Variants in C5orf22 observed in about 807,000 individuals in gnomAD.
The protein encoded by C5orf22 is UPF0489 protein C5orf22.
Under a neutral mutation model 48.7 loss-of-function variants are expected in C5orf22, and 36 were observed. That is an observed-to-expected ratio of 0.74 (90% confidence interval 0.57 to 0.98). The LOEUF (loss-of-function observed/expected upper bound fraction) is 0.98. Among genes scored for constraint, C5orf22 ranks in the 50% least tolerant of loss-of-function variants. The pLI is 0.00. For synonymous variants in C5orf22, 141 were observed against 180.8 expected (o/e 0.78, Z 1.76); for missense variants, 486 against 521.9 (o/e 0.93, Z 0.67).
chr5:31,541,355 T>G lies in C5orf22; in HGVS notation c.945T>G (p.Cys315Trp). Residue 315 changes from cysteine to tryptophan, a missense_variant, in exon 6 of 9, where the codon TGT becomes TGG. By Grantham distance (215) the Cys-to-Trp change is radical. Transcript: ENST00000325366. ...EDLEATFADLCDGDDEETVQR... is the reference protein window; with the variant it reads ...EDLEATFADLWDGDDEETVQR... ...TAGAAGCCACTTTCGCTGATTTGTG[T>G]GATGGTGATGATGAAGAAACGGTAC... The G allele has an allele frequency of 6.2e-7, 1 of 1,614,050 alleles. No individual in the cohort carries two copies. Among genetic ancestry groups the G allele is most frequent in the Admixed American group, 1.7e-5 (1 of 60,022 alleles).
At chr5:31,542,565 G>A (rs187317795) in intron 6 of C5orf22, among the ~76,000 whole-genome samples, 10 of 152,084 alleles carry the variant, frequency 6.6e-5, no homozygotes, top group Admixed American at 5.9e-4. Context: ...AGTATTTGAA[G>A]GCTAGATTCT....
At chr5:31,538,052 A>G (rs1742205165) in intron 3 of C5orf22, 1 of 487,668 alleles carries the variant, frequency 2.1e-6, no homozygotes, top group Non-Finnish European at 3.7e-6. Flanking sequence ...TGCAAGGCAG[A>G]CTGAAATGTA....
At position 31,541,344 on chromosome 5, in the gene C5orf22, G is replaced by T. The variant is rs368521237; in HGVS notation, c.934G>T (p.Ala312Ser). ...ATTAGAGGATTTAGAAGCCACTTTC[G>T]CTGATTTGTGTGATGGTGATGATGA... ...HQLEDLEATFADLCDGDDEET... is the reference protein window; with the variant it reads ...HQLEDLEATFSDLCDGDDEET... Residue 312 changes from alanine to serine, a missense_variant, in exon 6 of 9, where the codon GCT (alanine) becomes TCT (serine). By Grantham distance (99) the Ala-to-Ser change is moderately conservative (BLOSUM62 1). Transcript: ENST00000325366. 3 of 1,613,766 alleles carry T rather than the reference G, an allele frequency of 1.9e-6. No homozygotes were observed. The South Asian group carries it at 3.3e-5, about 18-fold the overall frequency.
At chr5:31,545,301 G>A (rs779211495) in intron 6 of C5orf22, among the ~76,000 whole-genome samples, 19 of 152,052 alleles carry the variant, frequency 1.2e-4, no homozygotes, top group South Asian at 4.2e-4. Flanking sequence ...CAAGTGATCC[G>A]CCCGCCTCGG....
chr5:31,540,609 A>G (rs1554053284), intron 4 of C5orf22, among the ~76,000 whole-genome samples: 1 of 152,224 alleles, frequency 6.6e-6, no homozygotes, highest in Non-Finnish European at 1.5e-5. Context: ...TGGCATTTAT[A>G]TAGCAGAATA....
rs1743482356 is a variant in C5orf22, at chr5:31,554,565, C to T, written c.*1663C>T. 6.6e-6 allele frequency: 1 copy of T among 152,108 alleles called. No homozygotes were observed. The highest frequency in any genetic ancestry group is 6.6e-5 in the Admixed American group (1 of 15,266). The allele number at this position is 152,108 out of a possible 1,614,324, so 9.4% of individuals were successfully genotyped here. A position where few individuals can be genotyped will look rare whatever the true frequency, so the allele number is the denominator to read the frequency against. ...GTAAAATCAGAATTGTAGAATTGTG[C>T]TATTTTTAATTTTTAAAATTTTTGG... On this transcript the variant is annotated 3_prime_UTR_variant, in exon 9 of 9. Transcript: ENST00000325366.
chr5:31,540,807 C>A, intron 4 of C5orf22, 142 bp from the exon 5 acceptor site: 1 of 620,666 alleles, frequency 1.6e-6, no homozygotes. Flanking sequence ...TACATTTTGC[C>A]TGATTCTCCC....
chr5:31,551,925 G>A (rs747305618), intron 8 of C5orf22, among the ~76,000 whole-genome samples: 2 of 152,156 alleles, frequency 1.3e-5, no homozygotes, highest in African/African-American at 2.4e-5. Context: ...TCACTAGAGC[G>A]TAAAATGAGT....
chr5:31,542,884 G>C (rs1742559953), intron 6 of C5orf22, among the ~76,000 whole-genome samples: 1 of 152,178 alleles, frequency 6.6e-6, no homozygotes, highest in Admixed American at 6.5e-5. Flanking sequence ...AAAATCAGTT[G>C]TAAGGTAGCA....
At chr5:31,543,514 G>A (rs981461137) in intron 6 of C5orf22, among the ~76,000 whole-genome samples, 2 of 152,114 alleles carry the variant, frequency 1.3e-5, no homozygotes, top group Non-Finnish European at 2.9e-5. Flanking sequence ...AGGCTGCAGT[G>A]AGCTGAGATC....
chr5:31,547,220 G>A (rs1379385389), intron 7 of C5orf22, among the ~76,000 whole-genome samples: 6 of 152,264 alleles, frequency 3.9e-5, no homozygotes, highest in Admixed American at 1.3e-4. Context: ...TCCAGGTCAC[G>A]CTGATGCAAG....
At chr5:31,534,245 C>T in intron 1 of C5orf22, 27 bp from the exon 2 acceptor site, 1 of 1,595,318 alleles carries the variant, frequency 6.3e-7, no homozygotes, top group East Asian at 2.2e-5. Context: ...AGTGTTAATT[C>T]TTATTGTGTG....
intron 4 of C5orf22, 133 bp from the exon 5 acceptor site, chr5:31,540,816 C>T (rs962676850): frequency 3.0e-6 from 2 of 663,716 alleles, no homozygotes; most frequent in South Asian, 1.8e-5. Flanking sequence ...CCTGATTCTC[C>T]CATACATACC....
chr5:31,541,108 G>C, intron 5 of C5orf22, 97 bp downstream of exon 5: 2 of 138,062 alleles, frequency 1.4e-5, no homozygotes, highest in South Asian at 1.5e-4. Context: ...TGCTCAAAGT[G>C]TGTGTGTGTG....
chr5:31,547,668 G>T (rs1207187287), intron 7 of C5orf22, among the ~76,000 whole-genome samples: 1 of 152,224 alleles, frequency 6.6e-6, no homozygotes, highest in Non-Finnish European at 1.5e-5. Context: ...ACCACAGCCC[G>T]AGCTCTATGT....
chr5:31,532,316 G>A lies in C5orf22; in HGVS notation c.-77G>A. ...GAGCGCTTCCGCCCGGAGAGAGCTG[G>A]CCGGGATGAGGCGCCGGCTTTCCCG... On this transcript the variant is annotated 5_prime_UTR_variant, in exon 1 of 9. Transcript: ENST00000325366. 1.4e-6 allele frequency: 2 copies of A among 1,464,518 alleles called. No homozygotes were observed. Among genetic ancestry groups the A allele is most frequent in the East Asian group, 2.3e-5 (1 of 44,034 alleles). The allele number at this position is 1,464,518 out of a possible 1,614,324, so 90.7% of individuals were successfully genotyped here. A position where few individuals can be genotyped will look rare whatever the true frequency, so the allele number is the denominator to read the frequency against.
At chr5:31,539,695 C>G (rs1742331910) in intron 4 of C5orf22, among the ~76,000 whole-genome samples, 1 of 151,662 alleles carries the variant, frequency 6.6e-6, no homozygotes, top group Non-Finnish European at 1.5e-5. Context: ...TATTTAGTAG[C>G]AATTTTTTAA....
chr5:31,532,518 C>T (rs1007621246), intron 1 of C5orf22, 45 bp downstream of exon 1: 1 of 1,553,616 alleles, frequency 6.4e-7, no homozygotes. Flanking sequence ...CAGCGGAAGC[C>T]CTGACGCTCA....
intron 7 of C5orf22, 29 bp from the exon 8 acceptor site, chr5:31,551,264 A>G: frequency 6.2e-7 from 1 of 1,608,366 alleles, no homozygotes; most frequent in Non-Finnish European, 8.5e-7. Flanking sequence ...ACTGTCATAC[A>G]GTGTAATTTT....
Sources: gnomAD v4.1 joint callset for allele counts (sites outside exome capture counted in the v4.1 genomes callset) on GRCh38, gnomAD v4.1.1 for gene constraint, MANE v1.5 for transcripts, NCBI Gene and HGNC (gene_info 2026-07-23, HGNC 2026-07-21) for gene names.